Variants in GABPB1 observed in about 807,000 individuals in gnomAD.
The protein encoded by GABPB1 is GA-binding protein subunit beta-1.
GABPB1 carries 15 observed loss-of-function variants against 45.9 expected under a neutral mutation model. The observed-to-expected ratio is 0.33, with a 90% CI of 0.22 to 0.50. GABPB1 has a LOEUF of 0.50. Among genes scored for constraint, GABPB1 ranks in the 20% least tolerant of loss-of-function variants. GABPB1 has a pLI of 0.98. For synonymous variants in GABPB1, 143 were observed against 154.4 expected, an observed-to-expected ratio of 0.93 and a Z score of 0.55; for missense variants, 252 against 457.5, an observed-to-expected ratio of 0.55 and a Z score of 4.10.
chr15:50,301,952 A>C (rs2046766432), intron 4 of GABPB1, among the ~76,000 whole-genome samples: 1 of 152,222 alleles, frequency 6.6e-6, no homozygotes, highest in South Asian at 2.1e-4. Flanking sequence ...GAATGAAAAG[A>C]GGCATGGTAG....
intron 1 of GABPB1, among the ~76,000 whole-genome samples, chr15:50,338,935 C>A (rs998401429): frequency 2.0e-5 from 3 of 152,150 alleles, no homozygotes; most frequent in African/African-American, 7.2e-5. Context: ...CCAAGGCGGG[C>A]AGATCACCTG....
intron 1 of GABPB1, among the ~76,000 whole-genome samples, chr15:50,331,252 T>A (rs190692117): frequency 1.1e-4 from 16 of 152,322 alleles, no homozygotes; most frequent in Non-Finnish European, 1.9e-4. Flanking sequence ...AAGAGAAGCA[T>A]CTGTGCTGGA....
At chr15:50,351,769 A>T (rs890422562) in intron 1 of GABPB1, 8 of 152,106 alleles carry the variant, frequency 5.3e-5, no homozygotes, top group Admixed American at 4.6e-4. Context: ...GAGCACTGTG[A>T]TGTCAACACT....
At chr15:50,299,707 C>A (rs1245988806) in intron 6 of GABPB1, among the ~76,000 whole-genome samples, 1 of 152,130 alleles carries the variant, frequency 6.6e-6, no homozygotes, top group East Asian at 1.9e-4. Flanking sequence ...CCAGGTAACC[C>A]TTTAACAGTG....
chr15:50,289,717 T>C (rs768938043), intron 6 of GABPB1, 49 bp from the exon 7 acceptor site: 12 of 1,422,180 alleles, frequency 8.4e-6, no homozygotes, highest in Middle Eastern at 1.8e-4. Flanking sequence ...ACGGTATGAA[T>C]AGAAACCTAT....
chr15:50,302,921 A>G lies in GABPB1; in HGVS notation c.471+8T>C. ...CTTTATTTTCTTAAATTAAAAGCCA[A>G]AAGTTACCTGTAATATCTCTGCTAA... On this transcript the variant is annotated splice_region_variant and intron_variant, in intron 4 of 8. Transcript: ENST00000380877. 6.3e-7 allele frequency: 1 copy of G among 1,590,634 alleles called. No homozygotes were observed. The highest frequency in any genetic ancestry group is 1.4e-5 in the African/African-American group (1 of 74,022).
chr15:50,348,691 G>A (rs901110205), intron 1 of GABPB1, among the ~76,000 whole-genome samples: 3 of 151,808 alleles, frequency 2.0e-5, no homozygotes, highest in Admixed American at 1.3e-4. Flanking sequence ...GTGAAACCAC[G>A]TTTCTACTAA....
intron 6 of GABPB1, among the ~76,000 whole-genome samples, chr15:50,290,154 T>G (rs939364237): frequency 6.6e-6 from 1 of 152,236 alleles, no homozygotes; most frequent in Non-Finnish European, 1.5e-5. Context: ...ATGTAACCAG[T>G]TGATTACAAG....
intron 6 of GABPB1, among the ~76,000 whole-genome samples, chr15:50,299,148 T>A (rs1295237394): frequency 1.3e-5 from 2 of 152,208 alleles, no homozygotes; most frequent in African/African-American, 4.8e-5. Flanking sequence ...AATGTTGTTA[T>A]TATTGATCAA....
intron 1 of GABPB1, among the ~76,000 whole-genome samples, chr15:50,326,064 C>T (rs942746709): frequency 3.3e-5 from 1 of 30,668 alleles, no homozygotes; most frequent in African/African-American, 1.3e-4. Flanking sequence ...CCCACCACCA[C>T]GCCCAGCTAA....
chr15:50,289,344 T>G, intron 7 of GABPB1, 139 bp downstream of exon 7: 1 of 571,648 alleles, frequency 1.7e-6, no homozygotes, highest in Non-Finnish European at 2.9e-6. Context: ...AAGGCAAAAA[T>G]ACATTCTTTG....
At chr15:50,331,237 T>A (rs1208624061) in intron 1 of GABPB1, among the ~76,000 whole-genome samples, 5 of 152,202 alleles carry the variant, frequency 3.3e-5, no homozygotes, top group African/African-American at 1.2e-4. Flanking sequence ...TGACCTCCAC[T>A]CCACAAGAGA....
chr15:50,322,393 A>T (rs960524216), intron 1 of GABPB1, among the ~76,000 whole-genome samples: 1 of 151,994 alleles, frequency 6.6e-6, no homozygotes, highest in African/African-American at 2.4e-5. Flanking sequence ...CAAAAAAAAA[A>T]AAATTAGCCG....
chr15:50,354,731 T>C (rs1255225690), intron 1 of GABPB1: 2 of 308,808 alleles, frequency 6.5e-6, no homozygotes, highest in Non-Finnish European at 1.2e-5. Flanking sequence ...GCCGCCACCA[T>C]GTCTGCCCGC....
At position 50,326,487 on chromosome 15, in the gene GABPB1, G is replaced by A. The variant is rs567806068; in HGVS notation, c.1-16689C>T. Among the ~76,000 whole-genome samples the A allele has an allele frequency of 2.8e-3, 420 of 151,836 alleles. 1 individual carries two copies. The highest frequency in any genetic ancestry group is 3.9e-3 in the Non-Finnish European group (264 of 67,930). ...AGCCTGGCCAACATGGTGAAACCCC[G>A]TCTCTACTAAACAATAAAAAAACAA... is the stretch of plus-strand genomic sequence containing the variant. On this transcript the variant is annotated intron_variant, in intron 1 of 8. Coordinates refer to ENST00000380877, the MANE Select transcript of GABPB1 (RefSeq NM_016654.5).
intron 1 of GABPB1, among the ~76,000 whole-genome samples, chr15:50,319,704 G>A (rs559457215): frequency 6.6e-6 from 1 of 152,206 alleles, no homozygotes; most frequent in African/African-American, 2.4e-5. Context: ...AGGCATAGTG[G>A]CAGGCGCCTG....
At chr15:50,339,230 A>T (rs981140113) in intron 1 of GABPB1, among the ~76,000 whole-genome samples, 1 of 152,232 alleles carries the variant, frequency 6.6e-6, no homozygotes, top group Middle Eastern at 3.2e-3. Context: ...AGGTGGGAGC[A>T]CTGCTTGAGC....
intron 8 of GABPB1, among the ~76,000 whole-genome samples, chr15:50,284,636 C>T (rs1009295556): frequency 6.6e-5 from 10 of 152,150 alleles, no homozygotes; most frequent in Non-Finnish European, 1.2e-4. Context: ...GTATAGGCTG[C>T]ACATTCACTG....
intron 6 of GABPB1, 27 bp downstream of exon 6, chr15:50,300,762 T>C (rs1211690161): frequency 1.4e-6 from 2 of 1,397,168 alleles, no homozygotes; most frequent in African/African-American, 1.4e-5. Context: ...GCAATTTTAA[T>C]GTACACATTA....
Sources: gnomAD v4.1 joint callset for allele counts (sites outside exome capture counted in the v4.1 genomes callset) on GRCh38, gnomAD v4.1.1 for gene constraint, MANE v1.5 for transcripts, NCBI Gene and HGNC (gene_info 2026-07-23, HGNC 2026-07-21) for gene names.